Variants in RASSF6 observed in about 807,000 individuals in gnomAD.
The protein encoded by RASSF6 is ras association domain-containing protein 6.
In RASSF6, 52 loss-of-function variants were observed where a neutral mutation model predicts 44.0. That is an observed-to-expected ratio of 1.18 (90% confidence interval 0.95 to 1.49). The LOEUF (loss-of-function observed/expected upper bound fraction) is 1.49, where lower values mean the gene tolerates loss of function less well. RASSF6 is among the 40% of genes most tolerant of loss of function. The pLI, the probability that RASSF6 is intolerant of heterozygous loss-of-function variation, is 0.00. For synonymous variants in RASSF6, 162 were observed against 124.6 expected (o/e 1.30, Z -2.00); for missense variants, 464 against 393.3 (o/e 1.18, Z -1.52).
intron 6 of RASSF6, among the ~76,000 whole-genome samples, chr4:73,583,377 T>C (rs533655525): frequency 6.6e-6 from 1 of 152,254 alleles, no homozygotes; most frequent in East Asian, 1.9e-4. Context: ...AAACATATAA[T>C]GAAACCTGCT....
At chr4:73,578,075 G>C (rs989973792) in intron 8 of RASSF6, among the ~76,000 whole-genome samples, 1 of 96,654 alleles carries the variant, frequency 1.0e-5, no homozygotes, top group African/African-American at 3.9e-5. Flanking sequence ...GCAAAATTTT[G>C]ACACAAAATA....
At chr4:73,615,844 C>T (rs1726319403) in intron 1 of RASSF6, 3 of 1,495,816 alleles carry the variant, frequency 2.0e-6, no homozygotes, top group Non-Finnish European at 2.7e-6. Flanking sequence ...TGGTTCACCT[C>T]CCCCTGCTCT....
chr4:73,607,617 C>A (rs553965938), intron 2 of RASSF6, among the ~76,000 whole-genome samples: 1 of 152,264 alleles, frequency 6.6e-6, no homozygotes, highest in Admixed American at 6.5e-5. Flanking sequence ...AAAGTGTGAT[C>A]CCCAGACCAG....
intron 4 of RASSF6, among the ~76,000 whole-genome samples, chr4:73,591,843 G>A (rs1724583336): frequency 6.6e-6 from 1 of 152,162 alleles, no homozygotes. Flanking sequence ...CAGGCACACA[G>A]TTGGGCACTG....
chr4:73,595,266 C>A (rs1293320067), intron 3 of RASSF6, among the ~76,000 whole-genome samples: 1 of 152,132 alleles, frequency 6.6e-6, no homozygotes, highest in East Asian at 1.9e-4. Flanking sequence ...GTGATCTCAG[C>A]TTACTGCAAT....
chr4:73,573,141 T>C lies in RASSF6; in HGVS notation c.*3094A>G, dbSNP rs1436517828. The C allele has an allele frequency of 6.6e-6, 1 of 152,070 alleles. No individual in the cohort carries two copies. The highest frequency in any genetic ancestry group is 1.9e-4 in the East Asian group (1 of 5,196). The allele number at this position is 152,070 out of a possible 1,614,324, so 9.4% of individuals were successfully genotyped here. On this transcript the variant is annotated 3_prime_UTR_variant, in exon 11 of 11. Coordinates refer to ENST00000307439, the MANE Select transcript of RASSF6 (RefSeq NM_177532.5). ...AATGTTTATTTCCCTCTTTTTTTTT[T>C]TTTAGAGACGGAGTCTTGCTCTGTC...
At position 73,582,486 on chromosome 4, in the gene RASSF6, A is replaced by G. The variant is rs74480527; in HGVS notation, c.568-196T>C. Among the ~76,000 whole-genome samples, 579 of 152,190 alleles carry G rather than the reference A, an allele frequency of 3.8e-3. 6 individuals are homozygous for G. In the East Asian group the frequency reaches 0.042, roughly 11 times the overall value. ...TTAAGCAGCTTTATATTGTTTCTAG[A>G]GTAAATTAGGTAAAACACCATTTGA... is the stretch of plus-strand genomic sequence containing the variant. On this transcript the variant is annotated intron_variant, in intron 6 of 10. Transcript: ENST00000307439.
intron 1 of RASSF6, among the ~76,000 whole-genome samples, chr4:73,620,025 A>G (rs1578075714): frequency 6.6e-6 from 1 of 151,946 alleles, no homozygotes; most frequent in Non-Finnish European, 1.5e-5. Flanking sequence ...GAGGGGTCCT[A>G]TGGTCACATT....
intron 6 of RASSF6, among the ~76,000 whole-genome samples, chr4:73,582,754 G>T (rs1430719134): frequency 6.6e-6 from 1 of 151,958 alleles, no homozygotes; most frequent in African/African-American, 2.4e-5. Flanking sequence ...TCATTGGACT[G>T]TTAAAAAGAT....
At position 73,611,331 on chromosome 4, in the gene RASSF6, G is replaced by A. The variant is rs188826346; in HGVS notation, c.65+400C>T. ...ATATTGCATAATCTAATGTCAAGAG[G>A]GAACCAGTAAAAATAAAGTGTCATG... On this transcript the variant is annotated intron_variant, in intron 2 of 10. Coordinates refer to ENST00000307439, the MANE Select transcript of RASSF6 (RefSeq NM_177532.5). Among the ~76,000 whole-genome samples, 4 of 152,212 alleles carry A rather than the reference G, an allele frequency of 2.6e-5. No individual in the cohort carries two copies. The East Asian group carries it at 7.7e-4, about 29-fold the overall frequency.
chr4:73,601,546 T>C (rs1725277468), intron 2 of RASSF6, among the ~76,000 whole-genome samples: 1 of 152,222 alleles, frequency 6.6e-6, no homozygotes, highest in South Asian at 2.1e-4. Context: ...GTGTTGAAGA[T>C]TAGAGCTCAG....
At chr4:73,615,159 A>G (rs1452489663) in intron 1 of RASSF6, among the ~76,000 whole-genome samples, 1 of 126,278 alleles carries the variant, frequency 7.9e-6, no homozygotes, top group Non-Finnish European at 1.6e-5. Context: ...AGCCTGGGTG[A>G]TAGAGTGTGA....
intron 2 of RASSF6, among the ~76,000 whole-genome samples, chr4:73,609,003 C>G (rs542465291): frequency 6.6e-6 from 1 of 152,186 alleles, no homozygotes; most frequent in African/African-American, 2.4e-5. Flanking sequence ...GAATAATGCA[C>G]TTTCTGCTAA....
At chr4:73,602,300 G>C (rs1008634144) in intron 2 of RASSF6, among the ~76,000 whole-genome samples, 9 of 152,298 alleles carry the variant, frequency 5.9e-5, no homozygotes, top group Non-Finnish European at 1.0e-4. Flanking sequence ...ATTTCAGTAC[G>C]AGACAAGATA....
chr4:73,576,979 A>C, intron 8 of RASSF6, among the ~76,000 whole-genome samples: 1 of 152,166 alleles, frequency 6.6e-6, no homozygotes, highest in African/African-American at 2.4e-5. Flanking sequence ...GTTCAAACAA[A>C]TCTCCGGTCT....
At chr4:73,615,864 C>T (rs1346533519) in intron 1 of RASSF6, 2 of 1,546,002 alleles carry the variant, frequency 1.3e-6, no homozygotes, top group Non-Finnish European at 1.8e-6. Flanking sequence ...TGCATTCCTG[C>T]CTAGAGGTGG....
At chr4:73,615,743 G>A (rs1469788186) in intron 1 of RASSF6, 2 of 620,852 alleles carry the variant, frequency 3.2e-6, no homozygotes, top group Non-Finnish European at 5.7e-6. Flanking sequence ...GTATAGGAGA[G>A]GTAGAATTGG....
chr4:73,593,665 G>T, intron 3 of RASSF6, 72 bp from the exon 4 acceptor site: 4 of 1,254,408 alleles, frequency 3.2e-6, no homozygotes, highest in Non-Finnish European at 3.3e-6. Flanking sequence ...TAACGAAGAT[G>T]TAGAAATTAA....
At chr4:73,612,736 T>C (rs896551068) in intron 1 of RASSF6, among the ~76,000 whole-genome samples, 1 of 152,172 alleles carries the variant, frequency 6.6e-6, no homozygotes, top group Non-Finnish European at 1.5e-5. Flanking sequence ...TCAGGGTGAA[T>C]GCTTGGCTGG....
Sources: allele counts gnomAD v4.1 joint callset (sites outside exome capture counted in the v4.1 genomes callset), GRCh38; gene constraint gnomAD v4.1.1; transcripts MANE v1.5; gene names NCBI Gene and HGNC (gene_info 2026-07-23, HGNC 2026-07-21).